Variants in PCYT1A observed in about 807,000 individuals in gnomAD.
The protein encoded by PCYT1A is choline-phosphate cytidylyltransferase A.
Under a neutral mutation model 43.7 loss-of-function variants are expected in PCYT1A, and 25 were observed. That is an observed-to-expected ratio of 0.57 (90% confidence interval 0.42 to 0.80). PCYT1A has a LOEUF of 0.80. Among genes scored for constraint, PCYT1A ranks in the 30% least tolerant of loss-of-function variants. The probability of loss-of-function intolerance (pLI) is 0.00; values close to 1 mark genes in which losing one functional copy is unlikely to be tolerated. For missense variants in PCYT1A, 421 were observed against 474.2 expected, an observed-to-expected ratio of 0.89 and a Z score of 1.04; for synonymous variants, 172 against 170.7, an observed-to-expected ratio of 1.01 and a Z score of -0.06.
chr3:196,257,857 C>T lies in PCYT1A; in HGVS notation c.148G>A (p.Glu50Lys), dbSNP rs752031936. The change falls in exon 3 of 9, where the codon GAA becomes AAA. Residue 50 changes from glutamate to lysine, a missense_variant. Glu to Lys is a moderately conservative substitution (Grantham distance 56). Around this residue, in one of 3 missense-constraint regions of PCYT1A, gnomAD observed 139 missense variants for 117.7 expected, o/e 1.18. Coordinates refer to ENST00000431016, the MANE Select transcript of PCYT1A (RefSeq NM_001312673.2). The stretch of plus-strand genomic sequence containing the variant: ...GGCTTACTAAAGTCAACTTCAATTT[C>T]ATCAGAAAAAGGAGCTGGTTGCCGT... ...GLRQPAPFSD[E>K]IEVDFSKPYV... is the part of the protein sequence containing the mutation. 6 of 1,613,038 alleles carry T rather than the reference C, an allele frequency of 3.7e-6. No homozygotes were observed.
intron 2 of PCYT1A, among the ~76,000 whole-genome samples, chr3:196,259,248 T>A (rs536872244): frequency 6.6e-5 from 10 of 152,336 alleles, no homozygotes; most frequent in Middle Eastern, 3.4e-3. Flanking sequence ...TTCCTTTTTT[T>A]TCTTTTTTAA....
rs1421179130 is a variant in PCYT1A, at chr3:196,238,605, T to C, written c.*83A>G. The stretch of plus-strand genomic sequence containing the variant: ...TTTGTAGCTGTCCTTAGGTTTAGTG[T>C]TGGGGTCACAATTTGGAATTCAACA... On this transcript the variant is annotated 3_prime_UTR_variant, in exon 9 of 9. Coordinates refer to ENST00000431016, the MANE Select transcript of PCYT1A (RefSeq NM_001312673.2). The C allele has an allele frequency of 7.5e-6, 7 of 939,220 alleles. No individual in the cohort carries two copies. Among genetic ancestry groups the C allele is most frequent in the Admixed American group, 5.7e-5 (2 of 34,962 alleles). 58.2% of individuals were successfully genotyped at this position (939,220 alleles called of 1,614,324 possible).
At chr3:196,241,145 A>AC (rs1724337147) in intron 7 of PCYT1A, among the ~76,000 whole-genome samples, 3 of 147,438 alleles carry the variant, frequency 2.0e-5, no homozygotes, top group African/African-American at 7.5e-5. Context: ...AAAAAAAAAA[A>AC]AAAAAAAAAA....
chr3:196,259,911 CTTTTTTTT>C (rs779918737), intron 2 of PCYT1A, among the ~76,000 whole-genome samples: 153 of 48,952 alleles, frequency 3.1e-3, no homozygotes, highest in African/African-American at 0.012. Flanking sequence ...TGGAAACATT[CTTTTTTTT>C]TTTTTTTTTT....
intron 2 of PCYT1A, among the ~76,000 whole-genome samples, chr3:196,267,743 A>G (rs1228112760): frequency 6.6e-6 from 1 of 152,134 alleles, no homozygotes; most frequent in African/African-American, 2.4e-5. Context: ...AAATTCTAAA[A>G]TTGGTCATGG....
In PCYT1A at chr3:196,243,391, G is replaced by GA. The variant is rs199852778; in HGVS notation, c.487-752dup. ...TTAACTAGTTTCTCTCAGTCCGTGA[G>GA]AAAAGAGGGAATATAAAAATAGCAA... is the stretch of plus-strand genomic sequence containing the variant. On this transcript the variant is annotated intron_variant, in intron 5 of 8. Coordinates refer to ENST00000431016, the MANE Select transcript of PCYT1A (RefSeq NM_001312673.2). 9.3e-3 allele frequency among the ~76,000 whole-genome samples: 1,407 copies of GA among 152,050 alleles called. 20 individuals carry two copies. The highest frequency in any genetic ancestry group is 0.032 in the African/African-American group (1,316 of 41,484).
intron 3 of PCYT1A, among the ~76,000 whole-genome samples, chr3:196,250,160 G>A (rs1435225819): frequency 2.0e-4 from 23 of 116,686 alleles, no homozygotes; most frequent in South Asian, 6.9e-4. Context: ...TGAGGACCAG[G>A]TACACCATGC....
intron 5 of PCYT1A, among the ~76,000 whole-genome samples, chr3:196,244,344 C>T (rs1724480507): frequency 6.7e-6 from 1 of 149,912 alleles, no homozygotes. Context: ...CCGCCGCCAT[C>T]CCGTCTAGGA....
chr3:196,247,611 G>A lies in PCYT1A; in HGVS notation c.335-93C>T. ...TCTCCCATCTTCTCCCACTGCTTAG[G>A]ACTGCAACCATCTTCCCCAACTGGA... is the stretch of plus-strand genomic sequence containing the variant. On this transcript the variant is annotated intron_variant, in intron 4 of 8. Coordinates refer to ENST00000431016, the MANE Select transcript of PCYT1A (RefSeq NM_001312673.2). The surrounding 1 kb of genome is among the most constrained non-coding windows in gnomAD (Gnocchi z 4.8). The A allele has an allele frequency of 8.2e-7, 1 of 1,224,610 alleles. No individual in the cohort carries two copies. The highest frequency in any genetic ancestry group is 1.2e-6 in the Non-Finnish European group (1 of 831,360). 75.9% of individuals were successfully genotyped at this position (1,224,610 alleles called of 1,614,324 possible).
In PCYT1A at chr3:196,238,816, G is replaced by A. The variant is rs766301243; in HGVS notation, c.976C>T (p.Arg326Cys). 76 of 1,574,990 alleles carry A rather than the reference G, an allele frequency of 4.8e-5. No homozygotes were observed. Among genetic ancestry groups the A allele is most frequent in the Middle Eastern group, 1.8e-4 (1 of 5,638 alleles). The change falls in exon 9 of 9, where the codon CGC (arginine) becomes TGC (cysteine). Residue 326 changes from arginine to cysteine, a missense_variant. Around this residue, in one of 3 missense-constraint regions of PCYT1A, gnomAD observed 108 missense variants for 85.7 expected, o/e 1.26. Coordinates refer to ENST00000431016, the MANE Select transcript of PCYT1A (RefSeq NM_001312673.2). ...AAAGAGGGGGAGGGGGAGCGCTCGCGAGTAGGGCTGCTGCTGGGGCTCTGC... is the reference window on the plus strand; with the variant it reads ...AAAGAGGGGGAGGGGGAGCGCTCGCAAGTAGGGCTGCTGCTGGGGCTCTGC... ...PKQSPSSSPT[R>C]ERSPSPSFRW...
In PCYT1A at chr3:196,238,794, G is replaced by C; in HGVS notation, c.998C>G (p.Ser333Cys). Residue 333 changes from serine (S) to cysteine (C), a missense_variant, in exon 9 of 9, where the codon TCT becomes TGT. Ser to Cys is a moderately radical substitution (Grantham distance 112). Coordinates refer to ENST00000431016, the MANE Select transcript of PCYT1A (RefSeq NM_001312673.2). ...SPTRERSPSPSFRWPFSGKTS... is the reference protein window; with the variant it reads ...SPTRERSPSPCFRWPFSGKTS... Reference sequence around the variant, plus strand: ...CTTGCCGGAGAAGGGCCATCGGAAAGAGGGGGAGGGGGAGCGCTCGCGAGT... The same window carrying C: ...CTTGCCGGAGAAGGGCCATCGGAAACAGGGGGAGGGGGAGCGCTCGCGAGT... 2 of 1,584,124 alleles carry C rather than the reference G, an allele frequency of 1.3e-6. 1 individual carries two copies. The highest frequency in any genetic ancestry group is 3.4e-4 in the Middle Eastern group (2 of 5,876).
At chr3:196,263,394 T>C (rs1190251064) in intron 2 of PCYT1A, among the ~76,000 whole-genome samples, 1 of 152,152 alleles carries the variant, frequency 6.6e-6, no homozygotes, top group Non-Finnish European at 1.5e-5. Flanking sequence ...TTTTCCATTT[T>C]TTTTGTAGGG....
chr3:196,251,764 TA>T (rs1346352577), intron 3 of PCYT1A: 1 of 152,224 alleles, frequency 6.6e-6, no homozygotes, highest in Non-Finnish European at 1.5e-5. Context: ...ATAAACAATT[TA>T]CTTAGATATT....
intron 1 of PCYT1A, among the ~76,000 whole-genome samples, chr3:196,284,498 G>A (rs1203150679): frequency 6.6e-6 from 1 of 152,166 alleles, no homozygotes; most frequent in Admixed American, 6.5e-5. Context: ...TCTACAACAA[G>A]AGAAAGCAAT....
rs1434999084 is a variant in PCYT1A, at chr3:196,247,373, T to C, written c.480A>G (p.Glu160=). 1 of 1,613,946 alleles carries C rather than the reference T, an allele frequency of 6.2e-7. No individual in the cohort carries two copies. Among genetic ancestry groups the C allele is most frequent in the South Asian group, 1.1e-5 (1 of 91,084 alleles). ...TATGTGTCCAGTTTCTTACCCGGTG[T>C]TCGGCCAGGAACTCGGGTGTCAGCG... The part of the protein sequence containing the change: ...PWTLTPEFLA[E]HRIDFVAHDD... The change falls in exon 5 of 9, where the codon GAA becomes GAG. Residue 160 remains glutamate, a synonymous_variant. Transcript: ENST00000431016. This position sits in a 1 kb window ranked among gnomAD's most constrained non-coding sequence, Gnocchi z 4.8.
chr3:196,254,695 C>G (rs570820508), intron 3 of PCYT1A, among the ~76,000 whole-genome samples: 1 of 152,306 alleles, frequency 6.6e-6, no homozygotes, highest in South Asian at 2.1e-4. Flanking sequence ...TCAAAACCGT[C>G]CTGATTTGGA....
chr3:196,267,718 A>C (rs1404727338), intron 2 of PCYT1A, among the ~76,000 whole-genome samples: 1 of 149,774 alleles, frequency 6.7e-6, no homozygotes, highest in African/African-American at 2.4e-5. Context: ...CCCTGTCTCA[A>C]AAAAAAAAAG....
intron 7 of PCYT1A, 110 bp downstream of exon 7, chr3:196,241,838 T>C (rs1205879256): frequency 7.5e-7 from 1 of 1,341,224 alleles, no homozygotes; most frequent in East Asian, 2.3e-5. Context: ...TCACTGAACT[T>C]TTGGGAGTGA....
At chr3:196,286,154 C>T (rs946915663) in intron 1 of PCYT1A, among the ~76,000 whole-genome samples, 1 of 151,024 alleles carries the variant, frequency 6.6e-6, no homozygotes, top group Non-Finnish European at 1.5e-5. Context: ...CCACCGCCTC[C>T]TGGGTTCAAG....
Sources: allele counts gnomAD v4.1 joint callset (sites outside exome capture counted in the v4.1 genomes callset), GRCh38; gene constraint gnomAD v4.1.1; regional missense constraint gnomAD v4.1.1; non-coding constraint Gnocchi (gnomAD v3.1); transcripts MANE v1.5; gene names NCBI Gene and HGNC (gene_info 2026-07-23, HGNC 2026-07-21).